The following ADCY10 variants were observed in gnomAD, a reference collection of about 807,000 sequenced individuals.
The protein encoded by ADCY10 is adenylate cyclase 10.
A neutral mutation model predicts 183.3 loss-of-function variants in ADCY10; 156 were observed. The ratio of observed to expected loss-of-function variants is 0.85; its 90% CI spans 0.75 to 0.97. The LOEUF is 0.97. Ranked by LOEUF, ADCY10 falls within the 50% of genes least tolerant of loss-of-function variation. ADCY10 has a pLI of 0.00. For synonymous variants in ADCY10, 645 were observed against 670.0 expected, an observed-to-expected ratio of 0.96 and a Z score of 0.58; for missense variants, 1,745 against 1,934.3, an observed-to-expected ratio of 0.90 and a Z score of 1.84.
intron 13 of ADCY10, 102 bp downstream of exon 13, chr1:167,875,029 T>C: frequency 1.0e-6 from 1 of 977,786 alleles, no homozygotes; most frequent in Non-Finnish European, 1.6e-6. Flanking sequence ...ATATTTTCAT[T>C]TTGTGATAAT....
Position 167,809,562 on chromosome 1 carries a change from G to A in ADCY10, c.*116C>T. 1 of 1,128,860 alleles carries A rather than the reference G, an allele frequency of 8.9e-7. No homozygotes were observed. The highest frequency in any genetic ancestry group is 1.3e-6 in the Non-Finnish European group (1 of 752,558). The allele number at this position is 1,128,860 out of a possible 1,614,324, so 69.9% of individuals were successfully genotyped here. ...AGAAGAAATCAACATGTCTGTTTCT[G>A]TGTCTGGAACAGAAGAGATTATGTA... On this transcript the variant is annotated 3_prime_UTR_variant, in exon 33 of 33. Coordinates refer to ENST00000367851, the MANE Select transcript of ADCY10 (RefSeq NM_018417.6).
At chr1:167,835,327 C>G (rs1427618845) in intron 23 of ADCY10, among the ~76,000 whole-genome samples, 2 of 152,186 alleles carry the variant, frequency 1.3e-5, no homozygotes, top group Non-Finnish European at 2.9e-5. Context: ...TATATCTCAG[C>G]ATATCAAAGG....
chr1:167,860,025 C>G (rs547615385), intron 15 of ADCY10, 132 bp from the exon 16 acceptor site: 7 of 736,636 alleles, frequency 9.5e-6, no homozygotes, highest in African/African-American at 8.7e-5. Context: ...TGGTCCCAAC[C>G]TTTTTGGCAC....
intron 8 of ADCY10, among the ~76,000 whole-genome samples, chr1:167,887,487 T>C (rs1266270120): frequency 6.6e-6 from 1 of 151,950 alleles, no homozygotes; most frequent in Non-Finnish European, 1.5e-5. Flanking sequence ...TAGGTGGGAA[T>C]TGAACAATGA....
chr1:167,869,186 G>C (rs1044606072), intron 14 of ADCY10, among the ~76,000 whole-genome samples: 3 of 152,132 alleles, frequency 2.0e-5, no homozygotes, highest in African/African-American at 4.8e-5. Flanking sequence ...AGCACTAGGA[G>C]GATTTAAAAC....
chr1:167,825,712 AG>A (rs1663237620), intron 26 of ADCY10, among the ~76,000 whole-genome samples: 1 of 152,222 alleles, frequency 6.6e-6, no homozygotes, highest in South Asian at 2.1e-4. Flanking sequence ...TCACTTGAGC[AG>A]GGGAGGTTGA....
At chr1:167,864,034 T>A (rs1488325814) in intron 14 of ADCY10, among the ~76,000 whole-genome samples, 2 of 152,268 alleles carry the variant, frequency 1.3e-5, no homozygotes, top group African/African-American at 4.8e-5. Flanking sequence ...TCACCCACGG[T>A]GTGCCTGTTC....
At position 167,883,301 on chromosome 1, in the gene ADCY10, G is replaced by A. The variant is rs968043244; in HGVS notation, c.1020+136C>T. Reference sequence around the variant, plus strand: ...GATCCGCCCACCTCTGCCTCCCAAAGAGCTGGGATTACAGGCGTGAGCCAC... The same window carrying A: ...GATCCGCCCACCTCTGCCTCCCAAAAAGCTGGGATTACAGGCGTGAGCCAC... On this transcript the variant is annotated intron_variant, in intron 9 of 32. Transcript: ENST00000367851. 4.3e-6 allele frequency: 4 copies of A among 933,982 alleles called. No individual in the cohort carries two copies. The Admixed American group carries it at 5.6e-5, about 13-fold the overall frequency. 57.9% of individuals were successfully genotyped at this position (933,982 alleles called of 1,614,324 possible).
chr1:167,887,687 A>C (rs1159797868), intron 8 of ADCY10, among the ~76,000 whole-genome samples: 2 of 151,968 alleles, frequency 1.3e-5, no homozygotes, highest in Non-Finnish European at 2.9e-5. Context: ...CTAGAACTTA[A>C]AAGTATAATA....
intron 21 of ADCY10, 33 bp downstream of exon 21, chr1:167,845,530 C>G (rs750856533): frequency 4.3e-6 from 7 of 1,609,766 alleles, no homozygotes; most frequent in Non-Finnish European, 6.0e-6. Context: ...TTCCCAAGAA[C>G]AGTTAGGATA....
chr1:167,822,431 C>T (rs1475033299), intron 29 of ADCY10, among the ~76,000 whole-genome samples: 1 of 152,204 alleles, frequency 6.6e-6, no homozygotes, highest in Non-Finnish European at 1.5e-5. Flanking sequence ...TAGGACTTCT[C>T]TGTCTCTCCA....
intron 26 of ADCY10, 23 bp downstream of exon 26, chr1:167,829,244 G>A (rs778148521): frequency 6.2e-7 from 1 of 1,613,440 alleles, no homozygotes; most frequent in Non-Finnish European, 8.5e-7. Context: ...AAACTTAAAG[G>A]AGCAGCTACA....
Position 167,864,190 on chromosome 1 carries a change from T to A in ADCY10, c.1617-3127A>T, listed in dbSNP as rs140682438. Among the ~76,000 whole-genome samples the A allele has an allele frequency of 6.0e-3, 910 of 152,330 alleles. 7 individuals are homozygous for A. Among genetic ancestry groups the A allele is most frequent in the African/African-American group, 0.021 (873 of 41,564 alleles). ...TGCAAAAGTGTGTGCGTGCCCTTTT[T>A]ACCCGTTCTTTGTTTTGTGGTGTGC... On this transcript the variant is annotated intron_variant, in intron 14 of 32. Coordinates refer to ENST00000367851, the MANE Select transcript of ADCY10 (RefSeq NM_018417.6).
rs989392435 is a variant in ADCY10 at position 167,845,235 on chromosome 1, A to G, written c.3007+328T>C. Among the ~76,000 whole-genome samples the G allele has an allele frequency of 1.1e-4, 16 of 152,192 alleles. 1 individual carries two copies. Among genetic ancestry groups the G allele is most frequent in the African/African-American group, 2.4e-5 (1 of 41,454 alleles). ...CCAAGAAACACCATGTCATCATGTC[A>G]GATTGTACCCCCCTTTGGATTCCAT... On this transcript the variant is annotated intron_variant, in intron 21 of 32. Coordinates refer to ENST00000367851, the MANE Select transcript of ADCY10 (RefSeq NM_018417.6).
Position 167,903,896 on chromosome 1 carries a change from T to C in ADCY10, c.244A>G (p.Ile82Val), listed in dbSNP as rs1291371222. ...VEILNYHISA[I>V]VEKVLIFGGD... ...CTATGGGAACACTTACTCTCCACTA[T>C]TGCACTTATGTGGTAGTTGAGGATC... The change falls in exon 3 of 33, where the codon ATA (isoleucine) becomes GTA (valine). Residue 82 changes from isoleucine to valine, a missense_variant. Transcript: ENST00000367851. The C allele has an allele frequency of 1.9e-6, 3 of 1,610,366 alleles. No individual in the cohort carries two copies. Among genetic ancestry groups the C allele is most frequent in the Non-Finnish European group, 2.5e-6 (3 of 1,176,602 alleles).
At position 167,866,420 on chromosome 1, in the gene ADCY10, T is replaced by G. The variant is rs190633039; in HGVS notation, c.1616+3837A>C. Among the ~76,000 whole-genome samples, 260 of 150,154 alleles carry G rather than the reference T, an allele frequency of 1.7e-3. 1 individual carries two copies. Among genetic ancestry groups the G allele is most frequent in the African/African-American group, 6.3e-3 (257 of 40,766 alleles). ...TAATAAAAATGTAAATTAGATAAAT[T>G]ATATCTATTACAAACAACAGCAACA... is the stretch of plus-strand genomic sequence containing the variant. On this transcript the variant is annotated intron_variant, in intron 14 of 32. Transcript: ENST00000367851.
At chr1:167,880,089 G>C in intron 11 of ADCY10, 26 bp downstream of exon 11, 3 of 1,598,942 alleles carry the variant, frequency 1.9e-6, no homozygotes, top group South Asian at 1.1e-5. Flanking sequence ...CAGAAAGAAA[G>C]CTGGAGATGA....
At chr1:167,901,558 C>T in intron 5 of ADCY10, 104 bp downstream of exon 5, 1 of 1,209,488 alleles carries the variant, frequency 8.3e-7, no homozygotes, top group Non-Finnish European at 1.2e-6. Context: ...CATCATGGGG[C>T]TGAGCCACCA....
At chr1:167,856,460 G>A (rs759293406) in intron 16 of ADCY10, 21 bp from the exon 17 acceptor site, 7 of 1,613,710 alleles carry the variant, frequency 4.3e-6, no homozygotes, top group African/African-American at 2.7e-5. Flanking sequence ...TGCAGAAAGA[G>A]AAAGAGAAAC....
Sources: allele counts gnomAD v4.1 joint callset (sites outside exome capture counted in the v4.1 genomes callset), GRCh38; gene constraint gnomAD v4.1.1; transcripts MANE v1.5; gene names NCBI Gene and HGNC (gene_info 2026-07-23, HGNC 2026-07-21).